Variants in RNF115 observed in about 807,000 individuals in gnomAD.
RNF115 encodes E3 ubiquitin-protein ligase RNF115.
Under a neutral mutation model 39.2 loss-of-function variants are expected in RNF115, and 31 were observed. That is an observed-to-expected ratio of 0.79 (90% CI 0.59 to 1.07). The LOEUF (loss-of-function observed/expected upper bound fraction) is 1.07, where lower values mean the gene tolerates loss of function less well. Ranked by LOEUF, RNF115 falls within the 50% of genes least tolerant of loss-of-function variation. RNF115 has a pLI of 0.00. For missense variants in RNF115, 384 were observed against 381.7 expected, an observed-to-expected ratio of 1.01 and a Z score of -0.05; for synonymous variants, 124 against 131.0, an observed-to-expected ratio of 0.95 and a Z score of 0.37.
At chr1:145,760,928 T>A (rs587634691) in intron 4 of RNF115, among the ~76,000 whole-genome samples, 2 of 152,148 alleles carry the variant, frequency 1.3e-5, no homozygotes. Flanking sequence ...ATATGGACAA[T>A]AAGGTCCAGG....
chr1:145,794,507 T>C (rs1023683198), intron 1 of RNF115, among the ~76,000 whole-genome samples: 1 of 137,766 alleles, frequency 7.3e-6, no homozygotes, highest in Non-Finnish European at 1.6e-5. Context: ...TCTTTCTTTT[T>C]TTTTTTTTTT....
intron 1 of RNF115, among the ~76,000 whole-genome samples, chr1:145,796,793 C>G (rs1458414506): frequency 6.6e-6 from 1 of 152,170 alleles, no homozygotes; most frequent in East Asian, 1.9e-4. Flanking sequence ...ACTCTATACC[C>G]ATTAAACAAC....
intron 7 of RNF115, among the ~76,000 whole-genome samples, chr1:145,748,899 T>A (rs1387032082): frequency 1.3e-5 from 2 of 150,006 alleles, no homozygotes; most frequent in South Asian, 2.1e-4. Context: ...AAAAAAAAAT[T>A]ATTAATAAAA....
intron 1 of RNF115, among the ~76,000 whole-genome samples, chr1:145,791,120 C>T (rs1182876109): frequency 1.3e-5 from 2 of 150,970 alleles, no homozygotes; most frequent in African/African-American, 2.4e-5. Flanking sequence ...TCAGCCTGGG[C>T]GACAGATCGA....
intron 3 of RNF115, among the ~76,000 whole-genome samples, chr1:145,777,686 A>G (rs587674102): frequency 1.2e-4 from 18 of 152,328 alleles, no homozygotes; most frequent in Non-Finnish European, 2.2e-4. Flanking sequence ...CTAATAGGGA[A>G]CACTATCATA....
intron 1 of RNF115, among the ~76,000 whole-genome samples, chr1:145,814,346 G>A (rs1283326234): frequency 6.6e-6 from 1 of 152,046 alleles, no homozygotes; most frequent in African/African-American, 2.4e-5. Flanking sequence ...CACTGCTCTA[G>A]GCTATCTCAT....
intron 5 of RNF115, 95 bp from the exon 6 acceptor site, chr1:145,751,605 C>T: frequency 1.3e-6 from 1 of 740,820 alleles, no homozygotes; most frequent in Non-Finnish European, 2.3e-6. Flanking sequence ...TGTTCTCTCT[C>T]AGAGCTGGAA....
In RNF115 at chr1:145,771,703, C is replaced by T. The variant is rs1553715782; in HGVS notation, c.428+8G>A. 25 of 1,609,912 alleles carry T rather than the reference C, an allele frequency of 1.6e-5. No individual in the cohort carries two copies. The highest frequency in any genetic ancestry group is 3.3e-5 in the South Asian group (3 of 90,612). ...ACCTTAAAAAGAACTTAAAATAAAA[C>T]AACTCACCCTTCAATAGCTGGAGAT... On this transcript the variant is annotated splice_region_variant and intron_variant, in intron 4 of 8. Transcript: ENST00000582693.
intron 4 of RNF115, among the ~76,000 whole-genome samples, chr1:145,759,180 A>G (rs1305700124): frequency 2.0e-5 from 3 of 152,158 alleles, no homozygotes; most frequent in African/African-American, 7.2e-5. Context: ...CCAGGCCTCA[A>G]TTCTCTGAGC....
chr1:145,778,475 T>A (rs1260184429), intron 3 of RNF115, among the ~76,000 whole-genome samples: 1 of 152,152 alleles, frequency 6.6e-6, no homozygotes, highest in Non-Finnish European at 1.5e-5. Context: ...GTGAATTACG[T>A]AGTATATGAA....
intron 1 of RNF115, among the ~76,000 whole-genome samples, chr1:145,794,728 T>G (rs587638854): frequency 1.2e-4 from 18 of 151,536 alleles, no homozygotes; most frequent in African/African-American, 4.4e-4. Flanking sequence ...TTAAAGATGG[T>G]GTGTCCTGAC....
intron 6 of RNF115, among the ~76,000 whole-genome samples, chr1:145,750,830 T>A (rs1383637169): frequency 6.6e-6 from 1 of 152,098 alleles, no homozygotes; most frequent in Non-Finnish European, 1.5e-5. Context: ...ATGTAACTGG[T>A]CCAAAAGCTT....
chr1:145,823,898 G>C lies in RNF115; in HGVS notation c.-25C>G, dbSNP rs1553725003. 4 of 1,484,214 alleles carry C rather than the reference G, an allele frequency of 2.7e-6. No individual in the cohort carries two copies. Among genetic ancestry groups the C allele is most frequent in the East Asian group, 2.8e-5 (1 of 35,238 alleles). 91.9% of individuals were successfully genotyped at this position (1,484,214 alleles called of 1,614,324 possible). ...TTTTTGCCCTCCGCCGCGGCCGTCC[G>C]AGAGGGCAGCCGGCCCGTCCCTCGC... On this transcript the variant is annotated 5_prime_UTR_variant, in exon 1 of 9. Transcript: ENST00000582693.
At chr1:145,803,786 T>C (rs1373052958) in intron 1 of RNF115, among the ~76,000 whole-genome samples, 2 of 152,212 alleles carry the variant, frequency 1.3e-5, no homozygotes, top group Non-Finnish European at 2.9e-5. Flanking sequence ...TTTAGCTCAT[T>C]GTGTACCAAG....
intron 6 of RNF115, among the ~76,000 whole-genome samples, chr1:145,750,807 A>C (rs1658058605): frequency 6.6e-6 from 1 of 152,202 alleles, no homozygotes; most frequent in African/African-American, 2.4e-5. Context: ...ACTATAGCTT[A>C]ATAAAAAGTA....
intron 1 of RNF115, among the ~76,000 whole-genome samples, chr1:145,791,635 A>T (rs1455960989): frequency 1.3e-5 from 2 of 152,184 alleles, no homozygotes; most frequent in Non-Finnish European, 2.9e-5. Flanking sequence ...ATGGTTCCAA[A>T]CAAGACCTAA....
chr1:145,789,879 G>A (rs1648581622), intron 1 of RNF115, among the ~76,000 whole-genome samples: 1 of 151,104 alleles, frequency 6.6e-6, no homozygotes, highest in African/African-American at 2.4e-5. Context: ...TGTATTTTTA[G>A]TAGAGACAGG....
intron 3 of RNF115, among the ~76,000 whole-genome samples, chr1:145,780,135 A>G (rs1291565467): frequency 6.6e-6 from 1 of 151,700 alleles, no homozygotes; most frequent in Non-Finnish European, 1.5e-5. Flanking sequence ...GGCTGAGGTG[A>G]GAGAATCACT....
At chr1:145,755,353 T>C (rs1243375603) in intron 4 of RNF115, among the ~76,000 whole-genome samples, 1 of 151,936 alleles carries the variant, frequency 6.6e-6, no homozygotes, top group African/African-American at 2.4e-5. Context: ...GTCCATGTGA[T>C]GAGGAACTGA....
Sources: allele counts gnomAD v4.1 joint callset (sites outside exome capture counted in the v4.1 genomes callset), GRCh38; gene constraint gnomAD v4.1.1; transcripts MANE v1.5; gene names NCBI Gene and HGNC (gene_info 2026-07-23, HGNC 2026-07-21).